Variants in STRBP observed in about 807,000 individuals in gnomAD.
The protein encoded by STRBP is spermatid perinuclear RNA-binding protein.
Under a neutral mutation model 80.1 loss-of-function variants are expected in STRBP, and 13 were observed. The ratio of observed to expected loss-of-function variants is 0.16; its 90% CI spans 0.11 to 0.26. The LOEUF (loss-of-function observed/expected upper bound fraction) is 0.26. Ranked by LOEUF, STRBP falls within the 10% of genes least tolerant of loss-of-function variation. The pLI is 1.00. For missense variants in STRBP, 485 were observed against 815.2 expected, an observed-to-expected ratio of 0.59 and a Z score of 4.93; for synonymous variants, 284 against 291.2, an observed-to-expected ratio of 0.98 and a Z score of 0.25.
intron 6 of STRBP, among the ~76,000 whole-genome samples, chr9:123,166,371 C>T (rs2037758509): frequency 6.6e-6 from 1 of 152,152 alleles, no homozygotes; most frequent in Non-Finnish European, 1.5e-5. Flanking sequence ...TACATAAATT[C>T]TCTCACTTAA....
chr9:123,200,129 T>A (rs905559689), intron 2 of STRBP, among the ~76,000 whole-genome samples: 1 of 152,232 alleles, frequency 6.6e-6, no homozygotes, highest in Non-Finnish European at 1.5e-5. Flanking sequence ...TCTATTGAGA[T>A]GATCATATGG....
intron 3 of STRBP, chr9:123,113,973 T>C (rs1227367390): frequency 6.0e-6 from 1 of 167,160 alleles, no homozygotes; most frequent in African/African-American, 2.4e-5. Context: ...TCTGGCCCTT[T>C]ACAGAAAGGA....
At chr9:123,265,680 A>G (rs1286949065) in intron 1 of STRBP, among the ~76,000 whole-genome samples, 1 of 152,130 alleles carries the variant, frequency 6.6e-6, no homozygotes, top group East Asian at 1.9e-4. Flanking sequence ...CTGTGTTCAA[A>G]CCCCTAAAGG....
intron 12 of STRBP, 38 bp from the exon 13 acceptor site, chr9:123,147,092 G>T (rs1360089989): frequency 6.4e-7 from 1 of 1,571,272 alleles, no homozygotes; most frequent in Non-Finnish European, 8.7e-7. Flanking sequence ...AAATTAACTA[G>T]AAAGTAATTT....
chr9:123,211,179 T>G (rs1362061054), intron 2 of STRBP, among the ~76,000 whole-genome samples: 1 of 152,168 alleles, frequency 6.6e-6, no homozygotes, highest in African/African-American at 2.4e-5. Context: ...CTATGTACAT[T>G]AAGATAATAG....
chr9:123,182,036 G>A (rs947462491), intron 3 of STRBP, among the ~76,000 whole-genome samples: 7 of 151,036 alleles, frequency 4.6e-5, no homozygotes, highest in African/African-American at 1.7e-4. Context: ...CCAACATGGT[G>A]AAACCCTATC....
At chr9:123,176,857 G>A (rs945975112) in intron 4 of STRBP, among the ~76,000 whole-genome samples, 1 of 152,172 alleles carries the variant, frequency 6.6e-6, no homozygotes, top group South Asian at 2.1e-4. Flanking sequence ...ATTAAAAACA[G>A]AATTCTAATA....
chr9:123,211,472 A>G (rs1233747882), intron 2 of STRBP, among the ~76,000 whole-genome samples: 1 of 152,188 alleles, frequency 6.6e-6, no homozygotes, highest in Non-Finnish European at 1.5e-5. Flanking sequence ...CATATAGGTT[A>G]TTATAATAAG....
chr9:123,220,318 T>C (rs1459073848), intron 2 of STRBP, among the ~76,000 whole-genome samples: 1 of 152,264 alleles, frequency 6.6e-6, no homozygotes, highest in African/African-American at 2.4e-5. Flanking sequence ...TATGGCCTTC[T>C]ATACACCTAG....
At position 123,136,896 on chromosome 9, in the gene STRBP, TTTAGGGTTAGGAAGAAATAACTCTCAA is replaced by T. The variant is rs1477556114; in HGVS notation, c.1498-408_1498-382del. On this transcript the variant is annotated intron_variant, in intron 14 of 18. Coordinates refer to ENST00000348403, the MANE Select transcript of STRBP (RefSeq NM_018387.5). This position sits in a 1 kb window ranked among gnomAD's most constrained non-coding sequence, Gnocchi z 4.2. ...GCCTAAGGGTTCATCATTTTTCTTC[TTTAGGGTTAGGAAGAAATAACTCTCAA>T]TTTGGGATGTTAGAGGGTAAATGTT... 6.6e-6 allele frequency among the ~76,000 whole-genome samples: 1 copy of T among 152,178 alleles called. No homozygotes were observed. Among genetic ancestry groups the T allele is most frequent in the Non-Finnish European group, 1.5e-5 (1 of 68,038 alleles).
intron 2 of STRBP, among the ~76,000 whole-genome samples, chr9:123,212,878 G>A (rs905916834): frequency 6.6e-6 from 1 of 152,140 alleles, no homozygotes; most frequent in Admixed American, 6.5e-5. Flanking sequence ...AGATAAAAGG[G>A]CCAGACTCAT....
intron 2 of STRBP, among the ~76,000 whole-genome samples, chr9:123,222,760 G>A (rs1002712499): frequency 2.6e-5 from 4 of 152,134 alleles, no homozygotes; most frequent in African/African-American, 9.7e-5. Context: ...TCCAAAAGGA[G>A]AAGGCACCAA....
At chr9:123,268,212 G>C (rs2041319859) in intron 1 of STRBP, among the ~76,000 whole-genome samples, 1 of 151,788 alleles carries the variant, frequency 6.6e-6, no homozygotes, top group Non-Finnish European at 1.5e-5. Flanking sequence ...GAAGCGGCCG[G>C]GGCACCGCAG....
intron 2 of STRBP, among the ~76,000 whole-genome samples, chr9:123,233,733 A>T (rs1306844447): frequency 1.3e-5 from 2 of 152,274 alleles, no homozygotes; most frequent in East Asian, 3.8e-4. Flanking sequence ...GGGAAAGTCT[A>T]CATAAATAAA....
chr9:123,122,368 T>C lies in STRBP; in HGVS notation c.*3229A>G. On this transcript the variant is annotated 3_prime_UTR_variant, in exon 19 of 19. Coordinates refer to ENST00000348403, the MANE Select transcript of STRBP (RefSeq NM_018387.5). ...GTCCAACACCAGTTTTAAAAATACA[T>C]TAACGAGGTATTCCCAGCTCTTCAA... 4 of 1,285,510 alleles carry C rather than the reference T, an allele frequency of 3.1e-6. No homozygotes were observed. Among genetic ancestry groups the C allele is most frequent in the Non-Finnish European group, 2.0e-6 (2 of 987,588 alleles). 79.6% of individuals were successfully genotyped at this position (1,285,510 alleles called of 1,614,324 possible). A position where few individuals can be genotyped will look rare whatever the true frequency, so the allele number is the denominator to read the frequency against.
At chr9:123,143,418 T>C (rs944733966) in intron 13 of STRBP, among the ~76,000 whole-genome samples, 62 of 152,358 alleles carry the variant, frequency 4.1e-4, no homozygotes, top group African/African-American at 1.4e-3. Context: ...TTCTTTTCTT[T>C]TGATTTGATT....
intron 17 of STRBP, 53 bp downstream of exon 17, chr9:123,132,792 C>G: frequency 6.2e-7 from 1 of 1,603,708 alleles, no homozygotes; most frequent in Non-Finnish European, 8.5e-7. Flanking sequence ...AGATGCTATT[C>G]TTTGAATTTC....
intron 3 of STRBP, chr9:123,111,374 C>A: frequency 3.5e-6 from 1 of 284,380 alleles, no homozygotes. Context: ...ACCTCCCTAG[C>A]TATCTAAAAC....
At chr9:123,160,935 G>T in intron 7 of STRBP, 42 bp downstream of exon 7, 1 of 1,517,788 alleles carries the variant, frequency 6.6e-7, no homozygotes, top group Non-Finnish European at 8.9e-7. Flanking sequence ...AATGAAACTT[G>T]GACAAACTTT....
Sources: gnomAD v4.1 joint callset for allele counts (sites outside exome capture counted in the v4.1 genomes callset) on GRCh38, gnomAD v4.1.1 for gene constraint, Gnocchi (gnomAD v3.1) non-coding constraint, MANE v1.5 for transcripts, NCBI Gene and HGNC (gene_info 2026-07-23, HGNC 2026-07-21) for gene names.